The following MAST4 variants were observed in gnomAD, a reference collection of about 807,000 sequenced individuals.
MAST4 encodes microtubule associated serine/threonine kinase family member 4, also known as microtubule-associated serine/threonine-protein kinase 4.
MAST4 carries 89 observed loss-of-function variants against 162.7 expected under a neutral mutation model. The observed-to-expected ratio is 0.55, with a 90% CI of 0.46 to 0.65. The LOEUF (loss-of-function observed/expected upper bound fraction) is 0.65, where lower values mean the gene tolerates loss of function less well. Ranked by LOEUF, MAST4 falls within the 30% of genes least tolerant of loss-of-function variation. The pLI is 0.00. For missense variants in MAST4, 3,153 were observed against 3,374.0 expected (o/e 0.93, Z 1.62); for synonymous variants, 1,479 against 1,361.1 (o/e 1.09, Z -1.91).
intron 4 of MAST4, among the ~76,000 whole-genome samples, chr5:66,954,074 C>T (rs1745011478): frequency 6.6e-6 from 1 of 152,132 alleles, no homozygotes; most frequent in South Asian, 2.1e-4. Context: ...TCCTTAACTT[C>T]CACCTTGTCA....
intron 1 of MAST4, among the ~76,000 whole-genome samples, chr5:66,629,420 C>T (rs1744654339): frequency 6.6e-6 from 1 of 152,136 alleles, no homozygotes. Flanking sequence ...CCTTTGGAAG[C>T]CTTTTTCTTT....
chr5:66,903,888 G>A (rs79111345), intron 4 of MAST4, among the ~76,000 whole-genome samples: 38 of 152,264 alleles, frequency 2.5e-4, no homozygotes, highest in African/African-American at 7.7e-4. Flanking sequence ...TGGACCTGCC[G>A]TGTTCTCTTA....
chr5:67,058,359 T>G (rs1276520661), intron 5 of MAST4, among the ~76,000 whole-genome samples: 1 of 152,168 alleles, frequency 6.6e-6, no homozygotes, highest in Non-Finnish European at 1.5e-5. Flanking sequence ...TGGTTAGTGG[T>G]TTTCAGTATT....
Position 66,664,777 on chromosome 5 carries a change from A to G in MAST4, c.363+67759A>G, listed in dbSNP as rs1747141950. Among the ~76,000 whole-genome samples, 3 of 152,222 alleles carry G rather than the reference A, an allele frequency of 2.0e-5. No individual in the cohort carries two copies. The Middle Eastern group carries it at 0.01, about 518-fold the overall frequency. On this transcript the variant is annotated intron_variant, in intron 1 of 28. Transcript: ENST00000403625. ...ACAGATTTTAAAATAAACTATCAGT[A>G]TGTTCAATGAATTAAAAGATGAGAC...
intron 1 of MAST4, among the ~76,000 whole-genome samples, chr5:66,705,069 C>G (rs140521374): frequency 0.014 from 2,093 of 152,266 alleles, 29 homozygotes; most frequent in Non-Finnish European, 0.019. Flanking sequence ...CATAGTTCCT[C>G]TGCTGACCTA....
At chr5:66,710,837 A>G (rs1191248109) in intron 1 of MAST4, among the ~76,000 whole-genome samples, 1 of 152,248 alleles carries the variant, frequency 6.6e-6, no homozygotes, top group Non-Finnish European at 1.5e-5. Context: ...TTAAAACAAC[A>G]TGTAGCTTTT....
At chr5:67,044,959 C>T (rs566887453) in intron 4 of MAST4, among the ~76,000 whole-genome samples, 1 of 152,332 alleles carries the variant, frequency 6.6e-6, no homozygotes, top group South Asian at 2.1e-4. Context: ...GCACCACAGA[C>T]TTCGTCAGCT....
At chr5:66,804,275 T>A (rs958579306) in intron 3 of MAST4, among the ~76,000 whole-genome samples, 3 of 150,388 alleles carry the variant, frequency 2.0e-5, no homozygotes, top group Non-Finnish European at 4.4e-5. Context: ...ATAATAGGGC[T>A]GCATAATAAA....
intron 6 of MAST4, 122 bp downstream of exon 6, chr5:67,090,353 CCCCT>C (rs1763705969): frequency 2.1e-5 from 9 of 430,994 alleles, no homozygotes; most frequent in Admixed American, 3.0e-5. Context: ...CTCCCCACTT[CCCCT>C]TCCCCCCACT....
intron 1 of MAST4, among the ~76,000 whole-genome samples, chr5:66,651,185 T>C (rs2149447968): frequency 6.6e-6 from 1 of 152,206 alleles, no homozygotes; most frequent in Admixed American, 6.5e-5. Context: ...AGAATCTTTT[T>C]TTTTTTGAAA....
chr5:66,919,739 TTTA>T (rs1156346488), intron 4 of MAST4, among the ~76,000 whole-genome samples: 1 of 151,954 alleles, frequency 6.6e-6, no homozygotes, highest in African/African-American at 2.4e-5. Context: ...TAATAGGCAC[TTTA>T]TTTACCCTGA....
Position 66,788,690 on chromosome 5 carries a change from C to T in MAST4, c.538C>T (p.Pro180Ser). The change falls in exon 3 of 29, where the codon CCG becomes TCG. Residue 180 changes from proline (P) to serine (S), a missense_variant. This residue lies in a region of MAST4 where 327 missense variants were observed against 336.5 expected (regional missense o/e 0.97). Coordinates refer to ENST00000403625, the MANE Select transcript of MAST4 (RefSeq NM_001164664.2). ...ALTGRYLLPN[P>S]VAGQAWPASA... ...AACAGGGAGGTACCTTCTTCCAAAC[C>T]CGGTGGCGGGACAGGCCTGGCCGGC... is the stretch of plus-strand genomic sequence containing the variant. The T allele has an allele frequency of 6.4e-7, 1 of 1,554,996 alleles. No individual in the cohort carries two copies. The highest frequency in any genetic ancestry group is 1.1e-5 in the South Asian group (1 of 90,396).
intron 1 of MAST4, among the ~76,000 whole-genome samples, chr5:66,614,936 C>A (rs777183711): frequency 2.6e-5 from 4 of 152,120 alleles, no homozygotes; most frequent in African/African-American, 4.8e-5. Flanking sequence ...GCAAAATAAT[C>A]TTTTTTGGGC....
chr5:66,928,413 C>A (rs1765062666), intron 4 of MAST4, among the ~76,000 whole-genome samples: 1 of 152,196 alleles, frequency 6.6e-6, no homozygotes, highest in Non-Finnish European at 1.5e-5. Flanking sequence ...GGTTCATTTG[C>A]CAGTTTGCAA....
chr5:66,836,640 G>A (rs912884832), intron 3 of MAST4, among the ~76,000 whole-genome samples: 3 of 152,118 alleles, frequency 2.0e-5, no homozygotes, highest in Non-Finnish European at 4.4e-5. Context: ...CATGTCCTTT[G>A]CAGCAACATG....
chr5:66,932,645 G>T (rs1394236710), intron 4 of MAST4, among the ~76,000 whole-genome samples: 2 of 152,134 alleles, frequency 1.3e-5, no homozygotes, highest in Non-Finnish European at 2.9e-5. Flanking sequence ...GATGATGAAA[G>T]TTTTCTCCAT....
At chr5:66,744,148 G>T (rs1356730846) in intron 1 of MAST4, among the ~76,000 whole-genome samples, 2 of 151,920 alleles carry the variant, frequency 1.3e-5, no homozygotes, top group African/African-American at 4.8e-5. Context: ...AAATGGCCCA[G>T]TGCCCCTCCA....
intron 1 of MAST4, among the ~76,000 whole-genome samples, chr5:66,702,181 G>A (rs554108596): frequency 2.0e-5 from 3 of 152,302 alleles, no homozygotes; most frequent in African/African-American, 7.2e-5. Flanking sequence ...TGCTGGACCT[G>A]CTGGCCCAGG....
intron 6 of MAST4, among the ~76,000 whole-genome samples, chr5:67,090,563 A>G (rs1022339718): frequency 1.3e-5 from 2 of 149,218 alleles, no homozygotes; most frequent in Non-Finnish European, 3.0e-5. Flanking sequence ...GCTGCCACAA[A>G]GCTTTGTTTT....
Sources: allele counts gnomAD v4.1 joint callset (sites outside exome capture counted in the v4.1 genomes callset), GRCh38; gene constraint gnomAD v4.1.1; regional missense constraint gnomAD v4.1.1; transcripts MANE v1.5; gene names NCBI Gene and HGNC (gene_info 2026-07-23, HGNC 2026-07-21).